Variants in CDA observed in about 807,000 individuals in gnomAD.
CDA encodes cytidine deaminase.
A neutral mutation model predicts 15.0 loss-of-function variants in CDA; 7 were observed. The ratio of observed to expected loss-of-function variants is 0.47; its 90% CI spans 0.26 to 0.87. The LOEUF (loss-of-function observed/expected upper bound fraction) is 0.87, where lower values mean the gene tolerates loss of function less well. CDA is among the 40% of genes least tolerant of loss of function. CDA has a pLI of 0.15. For synonymous variants in CDA, 58 were observed against 73.0 expected (o/e 0.79, Z 1.05); for missense variants, 159 against 182.7 (o/e 0.87, Z 0.75).
chr1:20,591,342 A>AAAAC (rs1461288172), intron 1 of CDA, among the ~76,000 whole-genome samples: 1 of 151,690 alleles, frequency 6.6e-6, no homozygotes, highest in Non-Finnish European at 1.5e-5. Context: ...CTCTGTCTCA[A>AAAAC]AAACAAACAA....
chr1:20,603,362 G>A (rs2052664945), intron 1 of CDA, among the ~76,000 whole-genome samples: 1 of 152,176 alleles, frequency 6.6e-6, no homozygotes, highest in African/African-American at 2.4e-5. Flanking sequence ...TGCCCCATGA[G>A]TTGACCAGGT....
At chr1:20,605,673 A>T (rs2985316) in intron 2 of CDA, among the ~76,000 whole-genome samples, 40,330 of 111,200 alleles carry the variant, frequency 0.36, 12,691 homozygotes, top group African/African-American at 0.45. Context: ...AAAAAAAAAA[A>T]TTTTTTTTTG....
intron 1 of CDA, among the ~76,000 whole-genome samples, chr1:20,591,794 C>A (rs1453241014): frequency 2.0e-5 from 3 of 151,672 alleles, no homozygotes; most frequent in African/African-American, 7.3e-5. Flanking sequence ...GGGTGAGACC[C>A]TTCACCTTTC....
intron 2 of CDA, among the ~76,000 whole-genome samples, chr1:20,610,890 G>A (rs2052744322): frequency 6.6e-6 from 1 of 152,126 alleles, no homozygotes; most frequent in African/African-American, 2.4e-5. Context: ...GAGTTAAAAT[G>A]ACTTAGTCAA....
At chr1:20,593,790 G>C (rs1452366424) in intron 1 of CDA, among the ~76,000 whole-genome samples, 1 of 152,124 alleles carries the variant, frequency 6.6e-6, no homozygotes, top group Non-Finnish European at 1.5e-5. Context: ...GCCCAGGTTG[G>C]TCTCGAACTC....
intron 1 of CDA, among the ~76,000 whole-genome samples, chr1:20,601,281 C>A (rs2052641588): frequency 1.3e-5 from 2 of 152,320 alleles, no homozygotes; most frequent in African/African-American, 4.8e-5. Context: ...GAAGTTCCCA[C>A]ACAGAGATGA....
chr1:20,593,473 C>T (rs549072435), intron 1 of CDA, among the ~76,000 whole-genome samples: 27 of 152,334 alleles, frequency 1.8e-4, no homozygotes, highest in African/African-American at 6.5e-4. Flanking sequence ...CCACATCCTT[C>T]TTTATCCTTC....
rs2154532364 is a variant in CDA, at chr1:20,604,935, C to T, written c.162C>T (p.Asn54=). ...ACTCTGCTCTCTTCTCAGGGTGCAA[C>T]ATAGAAAATGCCTGCTACCCGCTGG... ...TQEGRIFKGC[N]IENACYPLGI... Residue 54 remains asparagine, a synonymous_variant, in exon 2 of 4, where the codon AAC becomes AAT. Coordinates refer to ENST00000375071, the MANE Select transcript of CDA (RefSeq NM_001785.3). The T allele has an allele frequency of 6.2e-7, 1 of 1,609,820 alleles. No individual in the cohort carries two copies. Among genetic ancestry groups the T allele is most frequent in the South Asian group, 1.1e-5 (1 of 90,484 alleles).
chr1:20,615,474 A>AAAAG, intron 3 of CDA, among the ~76,000 whole-genome samples: 1 of 151,072 alleles, frequency 6.6e-6, no homozygotes, highest in Non-Finnish European at 1.5e-5. Flanking sequence ...TCTCCACAAA[A>AAAAG]AAAAAAAAAA....
intron 1 of CDA, among the ~76,000 whole-genome samples, chr1:20,599,756 A>ACTGC (rs779778341): frequency 3.3e-4 from 50 of 152,344 alleles, no homozygotes; most frequent in Admixed American, 9.2e-4. Flanking sequence ...ACATAGCCCT[A>ACTGC]CTGCCACCAA....
chr1:20,589,839 G>A (rs981041067), intron 1 of CDA, among the ~76,000 whole-genome samples: 2 of 152,194 alleles, frequency 1.3e-5, no homozygotes, highest in Non-Finnish European at 2.9e-5. Context: ...GGGTGGTGAC[G>A]TGTTTGTCGG....
intron 2 of CDA, among the ~76,000 whole-genome samples, chr1:20,609,260 G>A (rs544526697): frequency 3.3e-5 from 5 of 152,248 alleles, no homozygotes; most frequent in East Asian, 3.9e-4. Flanking sequence ...CGAGGCAGGC[G>A]GATCATGAGG....
At chr1:20,605,231 G>C (rs967171533) in intron 2 of CDA, among the ~76,000 whole-genome samples, 192 bp downstream of exon 2, 1 of 152,128 alleles carries the variant, frequency 6.6e-6, no homozygotes, top group Admixed American at 6.5e-5. Flanking sequence ...TTTGCCCTCA[G>C]TGAGCCTGCA....
At chr1:20,615,974 T>C (rs2052797850) in intron 3 of CDA, among the ~76,000 whole-genome samples, 1 of 152,196 alleles carries the variant, frequency 6.6e-6, no homozygotes, top group Non-Finnish European at 1.5e-5. Context: ...CACTCCTGCC[T>C]GGGTGACAGA....
At chr1:20,613,434 C>T (rs998281061) in intron 2 of CDA, among the ~76,000 whole-genome samples, 4 of 152,230 alleles carry the variant, frequency 2.6e-5, no homozygotes, top group Non-Finnish European at 4.4e-5. Flanking sequence ...CGAACTCCTG[C>T]CCTCAGGTGA....
chr1:20,593,760 C>A (rs1010678542), intron 1 of CDA, among the ~76,000 whole-genome samples: 1 of 152,110 alleles, frequency 6.6e-6, no homozygotes, highest in Non-Finnish European at 1.5e-5. Context: ...ATTTTTATAG[C>A]GATGAGGTCT....
At chr1:20,601,379 A>G (rs1254603535) in intron 1 of CDA, among the ~76,000 whole-genome samples, 1 of 152,214 alleles carries the variant, frequency 6.6e-6, no homozygotes, top group Non-Finnish European at 1.5e-5. Flanking sequence ...CATTTGAACT[A>G]CATGCTGGGG....
chr1:20,597,622 T>A (rs1288797421), intron 1 of CDA, among the ~76,000 whole-genome samples: 1 of 152,258 alleles, frequency 6.6e-6, no homozygotes, highest in Non-Finnish European at 1.5e-5. Flanking sequence ...GCCTGGCCTA[T>A]GAGTGCCCAG....
intron 1 of CDA, among the ~76,000 whole-genome samples, chr1:20,601,259 A>G (rs1178857521): frequency 2.0e-5 from 3 of 152,178 alleles, no homozygotes; most frequent in Non-Finnish European, 4.4e-5. Context: ...TCAGTGTCTC[A>G]AGAGAGAAAC....
Sources: allele counts gnomAD v4.1 joint callset (sites outside exome capture counted in the v4.1 genomes callset), GRCh38; gene constraint gnomAD v4.1.1; transcripts MANE v1.5; gene names NCBI Gene and HGNC (gene_info 2026-07-23, HGNC 2026-07-21).